The following KLHL24 variants were observed in gnomAD, a reference collection of about 807,000 sequenced individuals.
KLHL24 encodes the protein kelch like family member 24, also known as kelch-like protein 24.
KLHL24 carries 29 observed loss-of-function variants against 53.4 expected under a neutral mutation model. The observed-to-expected ratio is 0.54, with a 90% confidence interval of 0.40 to 0.74. The LOEUF is 0.74. KLHL24 is among the 30% of genes least tolerant of loss of function. The pLI, the probability that KLHL24 is intolerant of heterozygous loss-of-function variation, is 0.00. For missense variants in KLHL24, 504 were observed against 744.0 expected (o/e 0.68, Z 3.75); for synonymous variants, 222 against 253.7 (o/e 0.88, Z 1.19).
intron 5 of KLHL24, among the ~76,000 whole-genome samples, chr3:183,667,976 G>A (rs1331066238): frequency 1.3e-5 from 2 of 151,024 alleles, no homozygotes; most frequent in Admixed American, 6.6e-5. Flanking sequence ...GCCTCCCGAA[G>A]TGCTGAGATT....
intron 7 of KLHL24, 78 bp from the exon 8 acceptor site, chr3:183,679,008 A>G (rs1303430676): frequency 8.8e-7 from 1 of 1,139,682 alleles, no homozygotes; most frequent in African/African-American, 1.5e-5. Flanking sequence ...GTGCTAAAGC[A>G]TTATTTTGCT....
rs1560184745 is a variant in KLHL24, at chr3:183,673,389, C to T, written c.1602+905C>T. 5.3e-5 allele frequency among the ~76,000 whole-genome samples: 8 copies of T among 149,568 alleles called. No homozygotes were observed. The South Asian group carries it at 6.3e-4, about 12-fold the overall frequency. ...AAGTATCTGTTACACTTGGGCTGTT[C>T]TTTTTTTTTTCTCTTGACTTTTTTC... On this transcript the variant is annotated intron_variant, in intron 7 of 7. Transcript: ENST00000242810.
chr3:183,669,309 G>A lies in KLHL24; in HGVS notation c.1225-1725G>A, dbSNP rs1022726685. Among the ~76,000 whole-genome samples the A allele has an allele frequency of 9.2e-5, 14 of 152,040 alleles. No individual in the cohort carries two copies. The East Asian group carries it at 9.7e-4, about 11-fold the overall frequency. The stretch of plus-strand genomic sequence containing the variant: ...AGACATTGCAGTGAGCTGAGATCAC[G>A]CCATTGCACTCCAGCCTGGGCAACA... On this transcript the variant is annotated intron_variant, in intron 5 of 7. Transcript: ENST00000242810.
At chr3:183,645,185 A>G (rs1302929420) in intron 2 of KLHL24, among the ~76,000 whole-genome samples, 2 of 152,226 alleles carry the variant, frequency 1.3e-5, no homozygotes, top group Non-Finnish European at 2.9e-5. Flanking sequence ...ATCACAGTTT[A>G]TGTTTATCAT....
chr3:183,674,898 GT>G (rs975127973), intron 7 of KLHL24, among the ~76,000 whole-genome samples: 3 of 152,124 alleles, frequency 2.0e-5, no homozygotes, highest in Non-Finnish European at 4.4e-5. Context: ...TGTAATGCCT[GT>G]TTTACCTTCT....
chr3:183,673,329 T>C (rs1721614646), intron 7 of KLHL24, among the ~76,000 whole-genome samples: 1 of 152,220 alleles, frequency 6.6e-6, no homozygotes, highest in Non-Finnish European at 1.5e-5. Context: ...GGGGTCATTT[T>C]ATTGAAATAA....
At chr3:183,675,943 A>C (rs186782625) in intron 7 of KLHL24, among the ~76,000 whole-genome samples, 6 of 152,348 alleles carry the variant, frequency 3.9e-5, no homozygotes, top group Non-Finnish European at 7.4e-5. Flanking sequence ...TGAGAAAAAA[A>C]TTAATAATAG....
At chr3:183,645,572 A>G (rs1251761187) in intron 2 of KLHL24, among the ~76,000 whole-genome samples, 1 of 152,238 alleles carries the variant, frequency 6.6e-6, no homozygotes, top group African/African-American at 2.4e-5. Flanking sequence ...ATCTTAAAAG[A>G]GATGGGAAGA....
At position 183,679,478 on chromosome 3, in the gene KLHL24, A is replaced by C; in HGVS notation, c.*192A>C. On this transcript the variant is annotated 3_prime_UTR_variant, in exon 8 of 8. Transcript: ENST00000242810. ...GCCTTTCCTATAATTGAAAAAAAAA[A>C]CTTTTTTGTTAAAGGTAATGGTGGT... 1.8e-6 allele frequency: 1 copy of C among 554,736 alleles called. No homozygotes were observed. Among genetic ancestry groups the C allele is most frequent in the South Asian group, 2.4e-5 (1 of 41,860 alleles). 34.4% of individuals were successfully genotyped at this position (554,736 alleles called of 1,614,324 possible).
Position 183,663,447 on chromosome 3 carries a change from T to A in KLHL24, c.921-11T>A. 7.3e-7 allele frequency: 1 copy of A among 1,378,604 alleles called. No individual in the cohort carries two copies. The highest frequency in any genetic ancestry group is 9.7e-7 in the Non-Finnish European group (1 of 1,029,294). The allele number at this position is 1,378,604 out of a possible 1,614,324, so 85.4% of individuals were successfully genotyped here. A position where few individuals can be genotyped will look rare whatever the true frequency, so the allele number is the denominator to read the frequency against. ...TATATTATTTATGTACGCTAATAAT[T>A]ATTATTTTAGGTCCACTGGCTATTC... On this transcript the variant is annotated splice_polypyrimidine_tract_variant and intron_variant, in intron 3 of 7. Transcript: ENST00000242810. This position sits in a 1 kb window ranked among gnomAD's most constrained non-coding sequence, Gnocchi z 4.9.
rs996858240 is a variant in KLHL24, at chr3:183,682,505, A to G, written c.*3219A>G. The G allele has an allele frequency of 1.3e-5, 2 of 152,752 alleles. No individual in the cohort carries two copies. Among genetic ancestry groups the G allele is most frequent in the Admixed American group, 6.5e-5 (1 of 15,296 alleles). 9.5% of individuals were successfully genotyped at this position (152,752 alleles called of 1,614,324 possible). ...TACTCAGGGAGGGTATTAACTTGTT[A>G]CTTTTGCTCGTTTGGGGTGTAAAGT... On this transcript the variant is annotated 3_prime_UTR_variant, in exon 8 of 8. Coordinates refer to ENST00000242810, the MANE Select transcript of KLHL24 (RefSeq NM_017644.3).
At chr3:183,655,339 G>C (rs960199594) in intron 3 of KLHL24, among the ~76,000 whole-genome samples, 2 of 152,152 alleles carry the variant, frequency 1.3e-5, no homozygotes, top group African/African-American at 4.8e-5. Flanking sequence ...AGAAACAATG[G>C]CTGTAGGCCA....
At chr3:183,640,593 C>CTTTTTTCTTTTTTTTTTTTTTTTTTTTTT (rs1716244930) in intron 1 of KLHL24, among the ~76,000 whole-genome samples, 1 of 144,748 alleles carries the variant, frequency 6.9e-6, no homozygotes. Context: ...TTTCTTTTTT[C>CTTTTTTCTTTTTTTTTTTTTTTTTTTTTT]TTTTTTCTTT....
At chr3:183,636,210 T>C (rs1715135298) in intron 1 of KLHL24, 1 of 152,222 alleles carries the variant, frequency 6.6e-6, no homozygotes, top group Non-Finnish European at 1.5e-5. Flanking sequence ...GGGCGCTGCT[T>C]TTTATTTCAG....
chr3:183,660,862 G>C (rs995556011), intron 3 of KLHL24, among the ~76,000 whole-genome samples: 38 of 151,402 alleles, frequency 2.5e-4, no homozygotes, highest in African/African-American at 9.3e-4. Flanking sequence ...TCGAAACCAC[G>C]TGTTAGGAGG....
rs149819240 is a variant in KLHL24, at chr3:183,679,323, A to G, written c.*37A>G. On this transcript the variant is annotated 3_prime_UTR_variant, in exon 8 of 8. Transcript: ENST00000242810. ...CTCACCGAAGAAGCCACACTGATCC[A>G]AGATGGGAGGTTTTAAAAACTCTAC... 2.2e-5 allele frequency: 34 copies of G among 1,528,886 alleles called. No homozygotes were observed. Among genetic ancestry groups the G allele is most frequent in the Non-Finnish European group, 3.0e-5 (33 of 1,104,610 alleles). 94.7% of individuals were successfully genotyped at this position (1,528,886 alleles called of 1,614,324 possible). A position where few individuals can be genotyped will look rare whatever the true frequency, so the allele number is the denominator to read the frequency against.
intron 7 of KLHL24, among the ~76,000 whole-genome samples, chr3:183,676,553 C>A (rs1452731476): frequency 2.0e-5 from 3 of 151,952 alleles, no homozygotes; most frequent in Non-Finnish European, 4.4e-5. Context: ...ATATTAAATG[C>A]AAAAAAGAGC....
In KLHL24 at chr3:183,650,158, T is replaced by C. The variant is rs1382998995; in HGVS notation, c.-61-138T>C. On this transcript the variant is annotated intron_variant, in intron 2 of 7. Transcript: ENST00000242810. This position sits in a 1 kb window ranked among gnomAD's most constrained non-coding sequence, Gnocchi z 4.5. ...GCAAATTTTTGTTGATTAGTTTTTA[T>C]TAACATGAGATAGTGCTGTGTACCC... 1 of 497,812 alleles carries C rather than the reference T, an allele frequency of 2.0e-6. No individual in the cohort carries two copies. Among genetic ancestry groups the C allele is most frequent in the East Asian group, 3.2e-5 (1 of 31,050 alleles). 30.8% of individuals were successfully genotyped at this position (497,812 alleles called of 1,614,324 possible).
chr3:183,665,114 A>T, intron 5 of KLHL24, 75 bp downstream of exon 5: 1 of 769,498 alleles, frequency 1.3e-6, no homozygotes, highest in Non-Finnish European at 2.3e-6. Context: ...CTTTCATTTT[A>T]CTCACCCTCT....
Sources: gnomAD v4.1 joint callset for allele counts (sites outside exome capture counted in the v4.1 genomes callset) on GRCh38, gnomAD v4.1.1 for gene constraint, Gnocchi (gnomAD v3.1) non-coding constraint, MANE v1.5 for transcripts, NCBI Gene and HGNC (gene_info 2026-07-23, HGNC 2026-07-21) for gene names.